The following NPAS4 variants were observed in gnomAD, a reference collection of about 807,000 sequenced individuals.
The protein encoded by NPAS4 is neuronal PAS domain-containing protein 4.
A neutral mutation model predicts 64.0 loss-of-function variants in NPAS4; 10 were observed. That is an observed-to-expected ratio of 0.16 (90% confidence interval 0.10 to 0.26). The LOEUF is 0.26. Ranked by LOEUF, NPAS4 falls within the 10% of genes least tolerant of loss-of-function variation. The pLI, the probability that NPAS4 is intolerant of heterozygous loss-of-function variation, is 1.00. For missense variants in NPAS4, 886 were observed against 992.6 expected, an observed-to-expected ratio of 0.89 and a Z score of 1.44; for synonymous variants, 441 against 411.7, an observed-to-expected ratio of 1.07 and a Z score of -0.86.
chr11:66,421,417 G>T, intron 1 of NPAS4, 63 bp downstream of exon 1: 1 of 1,499,954 alleles, frequency 6.7e-7, no homozygotes, highest in South Asian at 1.1e-5. Context: ...GGAGCTGAGG[G>T]AACCCGCTGG....
upstream of NPAS4, among the ~76,000 whole-genome samples, chr11:66,416,439 G>C (rs550266367): frequency 2.6e-5 from 4 of 152,238 alleles, no homozygotes; most frequent in Non-Finnish European, 4.4e-5. Context: ...TCACTTGAGA[G>C]AGTGATATGG....
At chr11:66,425,931 A>C (rs541960597) in intron 7 of NPAS4, 30 bp from the exon 8 acceptor site, 1 of 1,580,630 alleles carries the variant, frequency 6.3e-7, no homozygotes, top group Admixed American at 1.7e-5. Flanking sequence ...GGTCTAACTG[A>C]TTGTGTTCTC....
chr11:66,425,092 G>A lies in NPAS4; in HGVS notation c.2202G>A (p.Glu734=). ...EEWGSGDPEA[E]GPGGAPSPCN... The stretch of plus-strand genomic sequence containing the variant: ...GGGGCTCAGGGGATCCTGAGGCAGA[G>A]GGCCCAGGAGGGGCCCCATCGCCTT... The change falls in exon 7 of 8, where the codon GAG becomes GAA. Residue 734 remains glutamate (E), a synonymous_variant. Transcript: ENST00000311034. 1 of 1,598,020 alleles carries A rather than the reference G, an allele frequency of 6.3e-7. No individual in the cohort carries two copies. Among genetic ancestry groups the A allele is most frequent in the Non-Finnish European group, 8.5e-7 (1 of 1,174,208 alleles).
the NPAS4 span, among the ~76,000 whole-genome samples, chr11:66,415,119 A>G: frequency 6.6e-6 from 1 of 152,202 alleles, no homozygotes; most frequent in Non-Finnish European, 1.5e-5. Flanking sequence ...CCTGAAGACT[A>G]GGGTCGGAAT....
intron 6 of NPAS4, 35 bp from the exon 7 acceptor site, chr11:66,423,800 G>C (rs749292256): frequency 1.9e-6 from 3 of 1,601,202 alleles, no homozygotes; most frequent in Admixed American, 1.7e-5. Context: ...TATGGACGTC[G>C]GACCCTTACC....
upstream of NPAS4, chr11:66,420,982 G>C: frequency 1.9e-6 from 1 of 536,924 alleles, no homozygotes. Context: ...GCTCTAAAAC[G>C]AGCCCCCCAC....
Position 66,421,149 on chromosome 11 carries a change from C to T in NPAS4, c.-31C>T, listed in dbSNP as rs745335642. ...CGGGACGGGAGCGCAGGTGCTCGGG[C>T]ACCCGAGCTGGAGCTCCGCAGCCGC... On this transcript the variant is annotated 5_prime_UTR_variant, in exon 1 of 8. Coordinates refer to ENST00000311034, the MANE Select transcript of NPAS4 (RefSeq NM_178864.4). 5.8e-6 allele frequency: 9 copies of T among 1,561,892 alleles called. No homozygotes were observed. The highest frequency in any genetic ancestry group is 5.7e-5 in the Admixed American group (3 of 52,340).
chr11:66,415,533 C>A, the NPAS4 span, among the ~76,000 whole-genome samples: 3 of 152,210 alleles, frequency 2.0e-5, no homozygotes, highest in Non-Finnish European at 2.9e-5. Context: ...TCTGTTGCAA[C>A]TACTCAGCTC....
At position 66,423,725 on chromosome 11, in the gene NPAS4, G is replaced by A. The variant is rs374862785; in HGVS notation, c.944+12G>A. The stretch of plus-strand genomic sequence containing the variant: ...AACTACCCAATCAGGTAAGCCACAA[G>A]CCAGGGGACTAGGGGGCAGCTGAGG... On this transcript the variant is annotated intron_variant, in intron 6 of 7. Transcript: ENST00000311034. The A allele has an allele frequency of 3.4e-5, 55 of 1,614,006 alleles. No homozygotes were observed. The highest frequency in any genetic ancestry group is 1.6e-4 in the Middle Eastern group (1 of 6,084).
chr11:66,418,989 C>T (rs546567055), upstream of NPAS4, among the ~76,000 whole-genome samples: 14 of 152,268 alleles, frequency 9.2e-5, no homozygotes, highest in South Asian at 2.1e-4. Flanking sequence ...CTCAGAATGC[C>T]TCACAGGCAG....
chr11:66,423,921 C>T lies in NPAS4; in HGVS notation c.1031C>T (p.Pro344Leu). 6.2e-7 allele frequency: 1 copy of T among 1,614,092 alleles called. No individual in the cohort carries two copies. The highest frequency in any genetic ancestry group is 1.3e-5 in the African/African-American group (1 of 75,014). ...GTCCTGGGCACTCCGACCATGCTGC[C>T]CTCATTCCCTGAAAACATTCTTTCC... ...AYVLGTPTML[P>L]SFPENILSQE... is the part of the protein sequence containing the mutation. The change falls in exon 7 of 8, where the codon CCC becomes CTC. Residue 344 changes from proline to leucine, a missense_variant. This residue lies in a region of NPAS4 where 820 missense variants were observed against 855.5 expected (regional missense o/e 0.96). Coordinates refer to ENST00000311034, the MANE Select transcript of NPAS4 (RefSeq NM_178864.4).
chr11:66,422,823 C>T lies in NPAS4; in HGVS notation c.580C>T (p.Pro194Ser), dbSNP rs866975045. The T allele has an allele frequency of 6.2e-7, 1 of 1,614,110 alleles. No individual in the cohort carries two copies. Among genetic ancestry groups the T allele is most frequent in the South Asian group, 1.1e-5 (1 of 91,088 alleles). Reference sequence around the variant, plus strand: ...TCCCGTGTTCACAGCTTTCTGTGCCCCTCTGGAGCCGAGACCCCGCCCAGG... The same window carrying T: ...TCCCGTGTTCACAGCTTTCTGTGCCTCTCTGGAGCCGAGACCCCGCCCAGG... ...GNPVFTAFCA[P>S]LEPRPRPGPG... is the part of the protein sequence containing the mutation. The change falls in exon 4 of 8, where the codon CCT becomes TCT. Residue 194 changes from proline (P) to serine (S), a missense_variant. Pro to Ser is a moderately conservative substitution (Grantham distance 74). Around this residue, in one of 3 missense-constraint regions of NPAS4, gnomAD observed 820 missense variants for 855.5 expected, o/e 0.96. Transcript: ENST00000311034.
In NPAS4 at chr11:66,423,730, G is replaced by C; in HGVS notation, c.944+17G>C. ...CCCAATCAGGTAAGCCACAAGCCAG[G>C]GGACTAGGGGGCAGCTGAGGTCGTC... On this transcript the variant is annotated intron_variant, in intron 6 of 7. Coordinates refer to ENST00000311034, the MANE Select transcript of NPAS4 (RefSeq NM_178864.4). 1.2e-6 allele frequency: 2 copies of C among 1,613,910 alleles called. No homozygotes were observed. Among genetic ancestry groups the C allele is most frequent in the Non-Finnish European group, 1.7e-6 (2 of 1,179,878 alleles).
chr11:66,414,387 C>G, the NPAS4 span, among the ~76,000 whole-genome samples: 1 of 152,172 alleles, frequency 6.6e-6, no homozygotes, highest in Non-Finnish European at 1.5e-5. Context: ...TCCTTGCATC[C>G]TCTTCTCTCA....
In NPAS4 at chr11:66,426,131, G is replaced by A. The variant is rs796693136; in HGVS notation, c.*142G>A. 1.1e-5 allele frequency: 4 copies of A among 367,992 alleles called. No individual in the cohort carries two copies. Among genetic ancestry groups the A allele is most frequent in the South Asian group, 7.2e-5 (3 of 41,736 alleles). The allele number at this position is 367,992 out of a possible 1,614,324, so 22.8% of individuals were successfully genotyped here. On this transcript the variant is annotated 3_prime_UTR_variant, in exon 8 of 8. Transcript: ENST00000311034. ...ATTCCCCAGGCCCTGCAGGATTTTG[G>A]GGGGGGGGAGGTGGGAGGGCAAGGG...
In NPAS4 at chr11:66,424,767, A is replaced by T; in HGVS notation, c.1877A>T (p.Glu626Val). The change falls in exon 7 of 8, where the codon GAA becomes GTA. Residue 626 changes from glutamate (E) to valine (V), a missense_variant. Coordinates refer to ENST00000311034, the MANE Select transcript of NPAS4 (RefSeq NM_178864.4). ...AAGCAGAGTTTCTTCCACTACTCTG[A>T]AAAGGAGCAGAATGAGATAGACCGT... Reference protein sequence around the residue: ...PVKQSFFHYSEKEQNEIDRLI... With the variant: ...PVKQSFFHYSVKEQNEIDRLI... 1 of 1,614,000 alleles carries T rather than the reference A, an allele frequency of 6.2e-7. No homozygotes were observed. Among genetic ancestry groups the T allele is most frequent in the Non-Finnish European group, 8.5e-7 (1 of 1,179,988 alleles).
Position 66,423,107 on chromosome 11 carries a change from C to T in NPAS4, c.699-16C>T. The T allele has an allele frequency of 6.3e-7, 1 of 1,578,398 alleles. No homozygotes were observed. Among genetic ancestry groups the T allele is most frequent in the African/African-American group, 1.3e-5 (1 of 74,500 alleles). Reference sequence around the variant, plus strand: ...AGGAAAACAGAAAGCTGACCTCACCCTTTCCACCTTCCCAGTGTCCTAATC... The same window carrying T: ...AGGAAAACAGAAAGCTGACCTCACCTTTTCCACCTTCCCAGTGTCCTAATC... On this transcript the variant is annotated splice_polypyrimidine_tract_variant and intron_variant, in intron 4 of 7. Coordinates refer to ENST00000311034, the MANE Select transcript of NPAS4 (RefSeq NM_178864.4).
chr11:66,426,176 A>C lies in NPAS4; in HGVS notation c.*187A>C, dbSNP rs763710636. 1 of 576,676 alleles carries C rather than the reference A, an allele frequency of 1.7e-6. No homozygotes were observed. Among genetic ancestry groups the C allele is most frequent in the Non-Finnish European group, 3.1e-6 (1 of 320,820 alleles). The allele number at this position is 576,676 out of a possible 1,614,324, so 35.7% of individuals were successfully genotyped here. On this transcript the variant is annotated 3_prime_UTR_variant, in exon 8 of 8. Coordinates refer to ENST00000311034, the MANE Select transcript of NPAS4 (RefSeq NM_178864.4). ...CAAGGGAGGGGAGCTTCTTTTTAAA[A>C]TCAAGAGACTTCGAGCGATCCCAGT... is the stretch of plus-strand genomic sequence containing the variant.
upstream of NPAS4, among the ~76,000 whole-genome samples, chr11:66,417,465 A>G (rs936798454): frequency 6.6e-6 from 1 of 152,194 alleles, no homozygotes; most frequent in African/African-American, 2.4e-5. Flanking sequence ...GGGAGAGGTC[A>G]TGTGGGGCTC....
Sources: allele counts gnomAD v4.1 joint callset (sites outside exome capture counted in the v4.1 genomes callset), GRCh38; gene constraint gnomAD v4.1.1; regional missense constraint gnomAD v4.1.1; transcripts MANE v1.5; gene names NCBI Gene and HGNC (gene_info 2026-07-23, HGNC 2026-07-21).